SCN11A: variants seen among roughly 807,000 people sequenced by gnomAD.
SCN11A encodes the protein sodium voltage-gated channel alpha subunit 11, also known as sodium channel protein type 11 subunit alpha.
In SCN11A, 122 loss-of-function variants were observed where a neutral mutation model predicts 162.2. The ratio of observed to expected loss-of-function variants is 0.75; its 90% CI spans 0.65 to 0.87. The LOEUF is 0.87. SCN11A is among the 40% of genes least tolerant of loss of function. The pLI is 0.00. For synonymous variants in SCN11A, 758 were observed against 751.5 expected (o/e 1.01, Z -0.14); for missense variants, 2,015 against 2,181.6 (o/e 0.92, Z 1.52).
intron 28 of SCN11A, among the ~76,000 whole-genome samples, chr3:38,861,403 A>T (rs1191530628): frequency 2.0e-5 from 3 of 152,302 alleles, no homozygotes; most frequent in African/African-American, 7.2e-5. Flanking sequence ...CTTAAAATTC[A>T]TATGGAACCA....
chr3:38,938,031 C>T (rs1352265048), intron 7 of SCN11A, among the ~76,000 whole-genome samples: 1 of 152,092 alleles, frequency 6.6e-6, no homozygotes, highest in African/African-American at 2.4e-5. Flanking sequence ...ACATATACAC[C>T]ATGGAATACG....
chr3:38,992,389 T>C (rs1264945147), intron 2 of SCN11A, among the ~76,000 whole-genome samples: 1 of 152,226 alleles, frequency 6.6e-6, no homozygotes, highest in Non-Finnish European at 1.5e-5. Flanking sequence ...CCTCGGAATA[T>C]TGATAGACAA....
At chr3:39,049,667 T>C (rs2032276236) in intron 1 of SCN11A, among the ~76,000 whole-genome samples, 1 of 152,216 alleles carries the variant, frequency 6.6e-6, no homozygotes, top group Non-Finnish European at 1.5e-5. Context: ...CCATTGCCAT[T>C]TATTTCATGA....
intron 2 of SCN11A, among the ~76,000 whole-genome samples, chr3:39,016,983 T>C (rs1575360196): frequency 6.6e-6 from 1 of 152,208 alleles, no homozygotes; most frequent in African/African-American, 2.4e-5. Flanking sequence ...TTTAAAAATG[T>C]TGCTTCACTA....
intron 1 of SCN11A, among the ~76,000 whole-genome samples, chr3:39,036,578 G>A (rs980262693): frequency 1.3e-5 from 2 of 152,032 alleles, no homozygotes; most frequent in South Asian, 2.1e-4. Flanking sequence ...TACATAGAAC[G>A]GGAAAAAATA....
Position 38,900,079 on chromosome 3 carries a change from G to A in SCN11A, c.1843-6C>T. 1 of 1,612,660 alleles carries A rather than the reference G, an allele frequency of 6.2e-7. No individual in the cohort carries two copies. The highest frequency in any genetic ancestry group is 8.5e-7 in the Non-Finnish European group (1 of 1,178,826). On this transcript the variant is annotated splice_region_variant and splice_polypyrimidine_tract_variant and intron_variant, in intron 16 of 29. Transcript: ENST00000302328. ...ATAAAAATGCTAGTGAAAACCTAGA[G>A]TGGGACAAAGAAGAATGAGAGAAGG...
At chr3:38,986,258 G>A (rs1259370025) in intron 2 of SCN11A, among the ~76,000 whole-genome samples, 1 of 150,560 alleles carries the variant, frequency 6.6e-6, no homozygotes, top group Non-Finnish European at 1.5e-5. Context: ...AGGAAGTGCC[G>A]ACAGAGCCAG....
intron 2 of SCN11A, among the ~76,000 whole-genome samples, chr3:38,988,125 T>C (rs1217998497): frequency 6.6e-6 from 1 of 152,148 alleles, no homozygotes; most frequent in Non-Finnish European, 1.5e-5. Flanking sequence ...CTGGGCTTTC[T>C]GAATGCAGGG....
chr3:38,968,716 C>T (rs1416275782), intron 2 of SCN11A, among the ~76,000 whole-genome samples: 1 of 152,122 alleles, frequency 6.6e-6, no homozygotes, highest in Non-Finnish European at 1.5e-5. Flanking sequence ...ACGTCAGAAT[C>T]AAAGACCTGG....
chr3:38,903,382 C>A (rs2065735217), intron 16 of SCN11A, among the ~76,000 whole-genome samples: 1 of 152,178 alleles, frequency 6.6e-6, no homozygotes, highest in Admixed American at 6.5e-5. Flanking sequence ...TCACCCCACC[C>A]CAGCCTGACC....
intron 2 of SCN11A, among the ~76,000 whole-genome samples, chr3:39,019,452 T>C (rs983166634): frequency 6.6e-6 from 1 of 152,162 alleles, no homozygotes; most frequent in South Asian, 2.1e-4. Flanking sequence ...AATAACTCTG[T>C]CTCCTGTGTG....
intron 23 of SCN11A, among the ~76,000 whole-genome samples, chr3:38,875,782 T>C (rs2126099730): frequency 6.6e-6 from 1 of 152,162 alleles, no homozygotes; most frequent in East Asian, 1.9e-4. Flanking sequence ...ATGACCCTAC[T>C]ACCAAAAGCG....
intron 6 of SCN11A, 149 bp from the exon 7 acceptor site, chr3:38,945,661 G>C: frequency 1.9e-6 from 1 of 519,178 alleles, no homozygotes; most frequent in Non-Finnish European, 3.4e-6. Context: ...ACTCACAACT[G>C]TCCCCTCCTG....
intron 2 of SCN11A, among the ~76,000 whole-genome samples, chr3:39,023,648 T>TC (rs2031510405): frequency 9.3e-6 from 1 of 107,328 alleles, no homozygotes; most frequent in Non-Finnish European, 2.0e-5. Flanking sequence ...CCCAACTTTC[T>TC]TTTTTTTTTT....
intron 1 of SCN11A, among the ~76,000 whole-genome samples, chr3:39,035,748 T>A (rs1443735938): frequency 6.6e-6 from 1 of 151,978 alleles, no homozygotes; most frequent in East Asian, 1.9e-4. Context: ...CATGCCATTC[T>A]CCTGCCTCAG....
At chr3:39,013,435 C>CTT (rs756712849) in intron 2 of SCN11A, among the ~76,000 whole-genome samples, 7 of 143,438 alleles carry the variant, frequency 4.9e-5, no homozygotes, top group African/African-American at 1.8e-4. Context: ...TGGCTTCTGC[C>CTT]TTTTTTTTTT....
chr3:38,860,995 A>G (rs1333053061), intron 28 of SCN11A, among the ~76,000 whole-genome samples: 1 of 152,148 alleles, frequency 6.6e-6, no homozygotes, highest in Non-Finnish European at 1.5e-5. Flanking sequence ...GAAAACCCTA[A>G]AGACTCATCC....
At chr3:39,006,114 C>T (rs1368019033) in intron 2 of SCN11A, among the ~76,000 whole-genome samples, 2 of 152,148 alleles carry the variant, frequency 1.3e-5, no homozygotes, top group Admixed American at 1.3e-4. Flanking sequence ...AGGCTTATGA[C>T]AATCTGATTA....
intron 5 of SCN11A, 128 bp downstream of exon 5, chr3:38,949,968 G>A (rs1381879470): frequency 2.8e-5 from 18 of 648,122 alleles, no homozygotes; most frequent in Non-Finnish European, 4.7e-5. Context: ...GGGGATGACA[G>A]CAAAGAAGAG....
Sources: allele counts gnomAD v4.1 joint callset (sites outside exome capture counted in the v4.1 genomes callset), GRCh38; gene constraint gnomAD v4.1.1; transcripts MANE v1.5; gene names NCBI Gene and HGNC (gene_info 2026-07-23, HGNC 2026-07-21).